The following ANO2 variants were observed in gnomAD, a reference collection of about 807,000 sequenced individuals.
The protein encoded by ANO2 is anoctamin 2.
ANO2 carries 101 observed loss-of-function variants against 124.2 expected under a neutral mutation model. That is an observed-to-expected ratio of 0.81 (90% CI 0.69 to 0.96). The LOEUF (loss-of-function observed/expected upper bound fraction) is 0.96. Ranked by LOEUF, ANO2 falls within the 40% of genes least tolerant of loss-of-function variation. The pLI is 0.00. For missense variants in ANO2, 1,293 were observed against 1,274.5 expected (o/e 1.01, Z -0.22); for synonymous variants, 486 against 482.5 (o/e 1.01, Z -0.09).
At chr12:5,933,839 GTAAAGTCC>G (rs1020604031) in intron 1 of ANO2, among the ~76,000 whole-genome samples, 4 of 152,218 alleles carry the variant, frequency 2.6e-5, no homozygotes, top group Admixed American at 2.0e-4. Context: ...TCATACCCAG[GTAAAGTCC>G]TACTCCTATA....
intron 14 of ANO2, among the ~76,000 whole-genome samples, chr12:5,717,298 G>T (rs1381057972): frequency 6.6e-6 from 1 of 152,178 alleles, no homozygotes; most frequent in Admixed American, 6.5e-5. Context: ...AGAGAAAATG[G>T]AATGCCCAAA....
intron 7 of ANO2, among the ~76,000 whole-genome samples, chr12:5,812,698 GA>G (rs368816290): frequency 7.5e-6 from 1 of 132,772 alleles, no homozygotes; most frequent in African/African-American, 2.8e-5. Flanking sequence ...GAAAGAAAGA[GA>G]AAGAAAAGAA....
At chr12:5,606,738 ATTATG>A (rs1017791448) in intron 19 of ANO2, among the ~76,000 whole-genome samples, 6 of 152,174 alleles carry the variant, frequency 3.9e-5, no homozygotes, top group African/African-American at 1.4e-4. Flanking sequence ...GGCCATCAAA[ATTATG>A]TTATTTTTTT....
In ANO2 at chr12:5,634,254, CA is replaced by C. The variant is rs1396799575; in HGVS notation, c.1816+897del. Among the ~76,000 whole-genome samples, 7 of 152,278 alleles carry C rather than the reference CA, an allele frequency of 4.6e-5. No individual in the cohort carries two copies. In the East Asian group the frequency reaches 1.4e-3, roughly 29 times the overall value. The stretch of plus-strand genomic sequence containing the variant: ...GTAGAGGCCAAGCAAGGGAAAGGCA[CA>C]GACAGAGCAACTTTCCGGAATTCTC... On this transcript the variant is annotated intron_variant, in intron 16 of 24. Coordinates refer to ENST00000682330, the MANE Select transcript of ANO2 (RefSeq NM_001364791.2).
chr12:5,817,746 A>C (rs150912499), intron 7 of ANO2, among the ~76,000 whole-genome samples: 70 of 152,342 alleles, frequency 4.6e-4, no homozygotes, highest in African/African-American at 1.6e-3. Context: ...TCTGGTGAAC[A>C]TCTAAGTGGT....
intron 20 of ANO2, among the ~76,000 whole-genome samples, chr12:5,581,407 C>T (rs1942751430): frequency 6.6e-6 from 1 of 152,140 alleles, no homozygotes; most frequent in South Asian, 2.1e-4. Context: ...CATGCCCTCA[C>T]CACATTCGTG....
intron 14 of ANO2, among the ~76,000 whole-genome samples, chr12:5,669,069 T>G (rs1444701299): frequency 6.6e-6 from 1 of 151,976 alleles, no homozygotes; most frequent in African/African-American, 2.4e-5. Flanking sequence ...AATCGTTTCT[T>G]CTAATTCTGT....
chr12:5,576,064 A>C (rs1414439543), intron 22 of ANO2, 49 bp from the exon 23 acceptor site: 2 of 1,516,628 alleles, frequency 1.3e-6, no homozygotes, highest in Non-Finnish European at 1.8e-6. Context: ...GATGCTAAAA[A>C]GGACTGTCCA....
chr12:5,799,127 GATCAA>G (rs1236858471), intron 10 of ANO2, among the ~76,000 whole-genome samples: 4 of 152,296 alleles, frequency 2.6e-5, no homozygotes, highest in African/African-American at 9.6e-5. Flanking sequence ...CCCTTTCCTG[GATCAA>G]CACTGGCACT....
At chr12:5,570,274 G>A (rs2136827169) in intron 23 of ANO2, among the ~76,000 whole-genome samples, 1 of 152,194 alleles carries the variant, frequency 6.6e-6, no homozygotes, top group African/African-American at 2.4e-5. Flanking sequence ...TTAATACTAT[G>A]TTAATGCATA....
intron 7 of ANO2, among the ~76,000 whole-genome samples, chr12:5,817,468 T>C (rs1953646907): frequency 6.6e-6 from 1 of 152,188 alleles, no homozygotes; most frequent in Non-Finnish European, 1.5e-5. Context: ...AAGGACTCAC[T>C]GCCTTAGGAG....
intron 19 of ANO2, among the ~76,000 whole-genome samples, chr12:5,606,326 G>A (rs894468353): frequency 1.3e-5 from 2 of 152,170 alleles, no homozygotes; most frequent in African/African-American, 4.8e-5. Flanking sequence ...CTCTTGTTCA[G>A]TCTCTCTCAT....
intron 3 of ANO2, among the ~76,000 whole-genome samples, chr12:5,871,094 G>C (rs559235070): frequency 6.6e-6 from 1 of 152,094 alleles, no homozygotes; most frequent in African/African-American, 2.4e-5. Flanking sequence ...GGCTCTCCAC[G>C]GCCCCAGTCG....
chr12:5,942,562 C>T (rs1215791076), intron 1 of ANO2, among the ~76,000 whole-genome samples: 5 of 152,254 alleles, frequency 3.3e-5, no homozygotes, highest in Non-Finnish European at 7.3e-5. Context: ...CAAGACCGCA[C>T]ACAACCTGGC....
chr12:5,868,005 T>G (rs2137276570), intron 3 of ANO2, among the ~76,000 whole-genome samples: 1 of 152,172 alleles, frequency 6.6e-6, no homozygotes, highest in African/African-American at 2.4e-5. Context: ...AATAGCACAA[T>G]GGATAACTAC....
chr12:5,803,166 G>A (rs866053310), intron 9 of ANO2, among the ~76,000 whole-genome samples: 38 of 152,096 alleles, frequency 2.5e-4, no homozygotes, highest in Admixed American at 2.6e-4. Context: ...CAAGGGACGG[G>A]GCATCCTGAA....
chr12:5,846,099 C>T (rs1237424803), intron 4 of ANO2, among the ~76,000 whole-genome samples: 2 of 152,174 alleles, frequency 1.3e-5, no homozygotes, highest in Non-Finnish European at 2.9e-5. Flanking sequence ...ATGCTAATAT[C>T]CTTCTTTGCA....
chr12:5,600,638 C>A (rs957830172), intron 19 of ANO2, among the ~76,000 whole-genome samples: 8 of 152,288 alleles, frequency 5.3e-5, no homozygotes, highest in Non-Finnish European at 1.0e-4. Flanking sequence ...GGAGTTATTT[C>A]ATACTTCCCA....
rs765515728 is a variant in ANO2, at chr12:5,612,709, G to A, written c.2034C>T (p.Ile678=). The A allele has an allele frequency of 1.2e-6, 2 of 1,613,964 alleles. No homozygotes were observed. Among genetic ancestry groups the A allele is most frequent in the South Asian group, 1.1e-5 (1 of 91,080 alleles). Residue 678 remains isoleucine, a synonymous_variant, in exon 19 of 25, where the codon ATC becomes ATT. Transcript: ENST00000682330. Reference sequence around the variant, plus strand: ...GGATCAACTGCTTCCCCAACATGATGATGCTGAGCTGAATGCAGAGCTCCA... The same window carrying A: ...GGATCAACTGCTTCCCCAACATGATAATGCTGAGCTGAATGCAGAGCTCCA... ...CLMELCIQLS[I]IMLGKQLIQN...
Sources: allele counts gnomAD v4.1 joint callset (sites outside exome capture counted in the v4.1 genomes callset), GRCh38; gene constraint gnomAD v4.1.1; transcripts MANE v1.5; gene names NCBI Gene and HGNC (gene_info 2026-07-23, HGNC 2026-07-21).